The following CEP170 variants were observed in gnomAD, a reference collection of about 807,000 sequenced individuals.
CEP170 encodes the protein centrosomal protein 170, also known as centrosomal protein of 170 kDa.
In CEP170, 21 loss-of-function variants were observed where a neutral mutation model predicts 151.9. That is an observed-to-expected ratio of 0.14 (90% CI 0.10 to 0.20). The LOEUF is 0.20. Ranked by LOEUF, CEP170 falls within the 10% of genes least tolerant of loss-of-function variation. The pLI is 1.00. For missense variants in CEP170, 964 were observed against 1,892.9 expected (o/e 0.51, Z 9.11); for synonymous variants, 356 against 648.8 (o/e 0.55, Z 6.86).
chr1:243,180,445 G>A (rs2059548618), intron 10 of CEP170, among the ~76,000 whole-genome samples: 2 of 152,166 alleles, frequency 1.3e-5, no homozygotes, highest in African/African-American at 2.4e-5. Flanking sequence ...TCTCCTGGTA[G>A]AAATTAAAAA....
intron 14 of CEP170, among the ~76,000 whole-genome samples, chr1:243,143,595 C>T (rs1442456028): frequency 6.6e-6 from 1 of 151,876 alleles, no homozygotes; most frequent in African/African-American, 2.4e-5. Context: ...TAACGTTTTC[C>T]AAGCTGCATC....
chr1:243,228,005 A>G (rs1321729783), intron 1 of CEP170, among the ~76,000 whole-genome samples: 3 of 152,340 alleles, frequency 2.0e-5, no homozygotes, highest in Admixed American at 2.0e-4. Flanking sequence ...CTTCAGTAAA[A>G]TAAGAATAAT....
At chr1:243,229,714 T>C (rs1055137914) in intron 1 of CEP170, among the ~76,000 whole-genome samples, 1 of 152,164 alleles carries the variant, frequency 6.6e-6, no homozygotes, top group African/African-American at 2.4e-5. Context: ...TTGCTTTTGA[T>C]TACTGAGAAA....
intron 17 of CEP170, among the ~76,000 whole-genome samples, chr1:243,134,618 C>T (rs1490211760): frequency 6.6e-6 from 1 of 151,866 alleles, no homozygotes; most frequent in African/African-American, 2.4e-5. Flanking sequence ...CGATTTCAGC[C>T]TCTCAAATAA....
At chr1:243,240,150 C>T (rs1572605468) in intron 1 of CEP170, among the ~76,000 whole-genome samples, 2 of 152,036 alleles carry the variant, frequency 1.3e-5, no homozygotes, top group Non-Finnish European at 2.9e-5. Flanking sequence ...GTTTCTACTA[C>T]AAATACGAAA....
At chr1:243,215,452 GT>G (rs2062184092) in intron 3 of CEP170, among the ~76,000 whole-genome samples, 1 of 152,142 alleles carries the variant, frequency 6.6e-6, no homozygotes, top group Non-Finnish European at 1.5e-5. Flanking sequence ...TGCGTTCCTA[GT>G]GGGAGGTCTC....
chr1:243,150,456 G>A (rs1164294194), intron 14 of CEP170, among the ~76,000 whole-genome samples: 1 of 152,178 alleles, frequency 6.6e-6, no homozygotes, highest in African/African-American at 2.4e-5. Context: ...AGCTGACACA[G>A]CTATTTAACG....
At chr1:243,145,743 C>G (rs1021489830) in intron 14 of CEP170, among the ~76,000 whole-genome samples, 1 of 152,154 alleles carries the variant, frequency 6.6e-6, no homozygotes, top group Admixed American at 6.5e-5. Flanking sequence ...ATCCTAAAAC[C>G]AAAGCTTATG....
chr1:243,141,498 T>C (rs925190535), intron 15 of CEP170, among the ~76,000 whole-genome samples: 14 of 152,318 alleles, frequency 9.2e-5, no homozygotes, highest in Non-Finnish European at 1.5e-4. Context: ...CCATTCCTAG[T>C]TCTTTGGTCT....
At chr1:243,211,749 T>G in intron 4 of CEP170, 137 bp downstream of exon 4, 1 of 975,306 alleles carries the variant, frequency 1.0e-6, no homozygotes, top group Non-Finnish European at 1.5e-6. Context: ...ATATATGTAT[T>G]TTAGTATAGG....
chr1:243,152,520 CATTTTTTT>C, intron 14 of CEP170, among the ~76,000 whole-genome samples: 1 of 63,534 alleles, frequency 1.6e-5, no homozygotes. Flanking sequence ...CGCGCCCAGC[CATTTTTTT>C]TTTTTTTTTT....
At chr1:243,253,731 C>T (rs550896976) in intron 1 of CEP170, among the ~76,000 whole-genome samples, 13 of 152,236 alleles carry the variant, frequency 8.5e-5, no homozygotes, top group Non-Finnish European at 5.9e-5. Context: ...CTGCTCCTCC[C>T]CATCCTGCTT....
intron 13 of CEP170, chr1:243,163,191 T>C (rs2058201847): frequency 6.6e-6 from 1 of 152,206 alleles, no homozygotes; most frequent in Non-Finnish European, 1.5e-5. Context: ...GATGGTGTGG[T>C]AGATGTAAAC....
At chr1:243,213,854 A>T (rs1474727862) in intron 3 of CEP170, among the ~76,000 whole-genome samples, 1 of 152,122 alleles carries the variant, frequency 6.6e-6, no homozygotes. Flanking sequence ...CTGGGACTAG[A>T]GGCTTGTGCC....
In CEP170 at chr1:243,233,741, A is replaced by AAAAAT. The variant is rs1367723157; in HGVS notation, c.-41-8421_-41-8420insATTTT. 2.4e-3 allele frequency among the ~76,000 whole-genome samples: 339 copies of AAAAAT among 140,362 alleles called. 2 individuals are homozygous for AAAAAT. Among genetic ancestry groups the AAAAAT allele is most frequent in the African/African-American group, 8.5e-3 (320 of 37,738 alleles). The allele number at this position is 140,362 out of a possible 152,430, so 92.1% of individuals were successfully genotyped here. A position where few individuals can be genotyped will look rare whatever the true frequency, so the allele number is the denominator to read the frequency against. ...GAGCAAGACTCCATCTCAAAAAAAA[A>AAAAAT]ATATATATATATATATATATATATA... On this transcript the variant is annotated intron_variant, in intron 1 of 19. Coordinates refer to ENST00000366542, the MANE Select transcript of CEP170 (RefSeq NM_014812.3).
intron 14 of CEP170, among the ~76,000 whole-genome samples, chr1:243,148,813 T>G (rs2056790533): frequency 6.6e-6 from 1 of 152,106 alleles, no homozygotes; most frequent in Non-Finnish European, 1.5e-5. Flanking sequence ...AACTGTCAGT[T>G]AATTTGTTAG....
intron 1 of CEP170, among the ~76,000 whole-genome samples, chr1:243,249,794 C>T (rs1036420408): frequency 5.9e-5 from 9 of 152,132 alleles, no homozygotes; most frequent in African/African-American, 9.7e-5. Context: ...ATTTAAAAAA[C>T]AAAACAAGGC....
chr1:243,255,618 T>C (rs1227101300), upstream of CEP170, among the ~76,000 whole-genome samples: 2 of 152,230 alleles, frequency 1.3e-5, no homozygotes, highest in African/African-American at 4.8e-5. Flanking sequence ...TTCTTGAAGA[T>C]TTATTCGACC....
intron 8 of CEP170, among the ~76,000 whole-genome samples, chr1:243,190,169 AC>A (rs1558542972): frequency 6.6e-6 from 1 of 152,220 alleles, no homozygotes; most frequent in African/African-American, 2.4e-5. Flanking sequence ...TGTTAGGAGT[AC>A]AAAAACTCCT....
Sources: gnomAD v4.1 joint callset for allele counts (sites outside exome capture counted in the v4.1 genomes callset) on GRCh38, gnomAD v4.1.1 for gene constraint, MANE v1.5 for transcripts, NCBI Gene and HGNC (gene_info 2026-07-23, HGNC 2026-07-21) for gene names.